YWHAE: variants seen among roughly 807,000 people sequenced by gnomAD.
YWHAE encodes tyrosine 3-monooxygenase/tryptophan 5-monooxygenase activation protein epsilon.
YWHAE carries 4 observed loss-of-function variants against 30.1 expected under a neutral mutation model. That is an observed-to-expected ratio of 0.13 (90% CI 0.07 to 0.30). YWHAE has a LOEUF of 0.30. YWHAE is among the 10% of genes least tolerant of loss of function. The pLI is 1.00. For synonymous variants in YWHAE, 118 were observed against 111.8 expected, an observed-to-expected ratio of 1.06 and a Z score of -0.35; for missense variants, 121 against 315.9, an observed-to-expected ratio of 0.38 and a Z score of 4.68.
intron 5 of YWHAE, among the ~76,000 whole-genome samples, chr17:1,349,725 G>A (rs2072590343): frequency 1.3e-5 from 2 of 150,832 alleles, no homozygotes; most frequent in East Asian, 2.0e-4. Flanking sequence ...CCATTCTCCT[G>A]CCTCAGCCTC....
At chr17:1,378,152 G>A (rs1009487847) in intron 1 of YWHAE, among the ~76,000 whole-genome samples, 2 of 152,178 alleles carry the variant, frequency 1.3e-5, no homozygotes, top group Non-Finnish European at 2.9e-5. Context: ...TTTACCTTGC[G>A]GATATTTTCT....
rs748198006 is a variant in YWHAE, at chr17:1,367,183, ACACT to A, written c.65-2129_65-2126del. Among the ~76,000 whole-genome samples the A allele has an allele frequency of 5.9e-5, 9 of 152,352 alleles. No homozygotes were observed. The East Asian group carries it at 7.7e-4, about 13-fold the overall frequency. ...AAATAATCTTTACAAAGACTTTTAC[ACACT>A]CACTCACAGCAACTCTATTCATAAT... On this transcript the variant is annotated intron_variant, in intron 1 of 5. Transcript: ENST00000264335.
chr17:1,384,397 A>G (rs118192035), intron 1 of YWHAE, among the ~76,000 whole-genome samples: 2,283 of 151,610 alleles, frequency 0.015, 35 homozygotes, highest in East Asian at 0.052. Context: ...CACATGTAAA[A>G]AGATTTATGC....
At chr17:1,353,166 C>T (rs773347926) in intron 5 of YWHAE, among the ~76,000 whole-genome samples, 9 of 152,114 alleles carry the variant, frequency 5.9e-5, no homozygotes, top group African/African-American at 1.7e-4. Context: ...AGGCCGGGCA[C>T]GGTGGCTTGC....
chr17:1,349,924 T>C (rs2072594431), intron 5 of YWHAE, among the ~76,000 whole-genome samples: 1 of 149,438 alleles, frequency 6.7e-6, no homozygotes, highest in South Asian at 2.1e-4. Context: ...CGAATTTCAC[T>C]AGATTTTTAA....
At chr17:1,392,997 A>G (rs552730110) in intron 1 of YWHAE, among the ~76,000 whole-genome samples, 11 of 152,074 alleles carry the variant, frequency 7.2e-5, no homozygotes, top group African/African-American at 2.7e-4. Flanking sequence ...GAGTCCAGGA[A>G]TTCCAAGACC....
chr17:1,390,067 C>A (rs561280128), intron 1 of YWHAE, among the ~76,000 whole-genome samples: 1 of 152,024 alleles, frequency 6.6e-6, no homozygotes, highest in Admixed American at 6.6e-5. Context: ...TGGTCTTGAA[C>A]TCCCGACCTC....
At position 1,373,614 on chromosome 17, in the gene YWHAE, G is replaced by A. The variant is rs539890540; in HGVS notation, c.65-8556C>T. 2.0e-5 allele frequency among the ~76,000 whole-genome samples: 3 copies of A among 151,800 alleles called. No homozygotes were observed. In the South Asian group the frequency reaches 6.3e-4, roughly 32 times the overall value. On this transcript the variant is annotated intron_variant, in intron 1 of 5. Transcript: ENST00000264335. ...ACCCGGGAGGCGGAGCTTGTAGTGA[G>A]TAGAGATCGTGGCACTGCACTCCAG... is the stretch of plus-strand genomic sequence containing the variant.
At chr17:1,356,731 G>C (rs1415222504) in intron 4 of YWHAE, among the ~76,000 whole-genome samples, 1 of 151,900 alleles carries the variant, frequency 6.6e-6, no homozygotes, top group South Asian at 2.1e-4. Flanking sequence ...GGCTGAGGCA[G>C]GTGGATCACC....
intron 2 of YWHAE, among the ~76,000 whole-genome samples, chr17:1,363,895 A>G (rs965604175): frequency 1.3e-5 from 2 of 151,932 alleles, no homozygotes; most frequent in South Asian, 2.1e-4. Context: ...CACTCCCGAC[A>G]GTTTGTTGTG....
chr17:1,363,998 A>G (rs758093492), intron 2 of YWHAE, among the ~76,000 whole-genome samples: 1 of 152,218 alleles, frequency 6.6e-6, no homozygotes, highest in Admixed American at 6.5e-5. Flanking sequence ...GTGACAATCA[A>G]AAGTATTTCT....
chr17:1,371,833 C>T (rs1287206959), intron 1 of YWHAE, among the ~76,000 whole-genome samples: 1 of 144,046 alleles, frequency 6.9e-6, no homozygotes, highest in East Asian at 2.0e-4. Flanking sequence ...GCTACTTGAC[C>T]CTGTACTTTT....
Position 1,374,196 on chromosome 17 carries a change from T to C in YWHAE, c.65-9138A>G, listed in dbSNP as rs563860662. 9.7e-4 allele frequency among the ~76,000 whole-genome samples: 147 copies of C among 151,992 alleles called. 1 individual carries two copies. The highest frequency in any genetic ancestry group is 1.5e-3 in the Non-Finnish European group (102 of 67,982). Reference sequence around the variant, plus strand: ...GCCATGATGTCTAGGCGAATGTCTGTAATCCCAGCTACTCGGGAGGCTGAA... The same window carrying C: ...GCCATGATGTCTAGGCGAATGTCTGCAATCCCAGCTACTCGGGAGGCTGAA... On this transcript the variant is annotated intron_variant, in intron 1 of 5. Coordinates refer to ENST00000264335, the MANE Select transcript of YWHAE (RefSeq NM_006761.5).
At chr17:1,370,289 G>T (rs556308079) in intron 1 of YWHAE, among the ~76,000 whole-genome samples, 11 of 151,418 alleles carry the variant, frequency 7.3e-5, no homozygotes, top group Non-Finnish European at 1.2e-4. Flanking sequence ...ACCATGCCCA[G>T]TGAATTTTTT....
chr17:1,355,161 TTTTTTTTTTTTG>T (rs761096959), intron 4 of YWHAE, among the ~76,000 whole-genome samples: 3,571 of 38,508 alleles, frequency 0.093, 150 homozygotes, highest in Non-Finnish European at 0.13. Context: ...TTTTTTTTTT[TTTTTTTTTTTTG>T]GGGGACGGGG....
intron 1 of YWHAE, among the ~76,000 whole-genome samples, chr17:1,382,823 G>A (rs1279433584): frequency 2.6e-5 from 4 of 151,986 alleles, no homozygotes; most frequent in Non-Finnish European, 4.4e-5. Context: ...TCAGGAGATC[G>A]AGACCAGCCT....
intron 4 of YWHAE, among the ~76,000 whole-genome samples, chr17:1,359,137 AAAAAAAG>A (rs763647805): frequency 7.9e-5 from 12 of 151,992 alleles, no homozygotes; most frequent in Admixed American, 2.0e-4. Flanking sequence ...CTCTCCCTCA[AAAAAAAG>A]AAAAAAGAAA....
At chr17:1,385,773 A>G (rs1290604040) in intron 1 of YWHAE, among the ~76,000 whole-genome samples, 1 of 152,142 alleles carries the variant, frequency 6.6e-6, no homozygotes, top group Non-Finnish European at 1.5e-5. Flanking sequence ...TCTTCTTCAT[A>G]CATTAAAGAC....
chr17:1,364,010 G>C (rs1283164312), intron 2 of YWHAE, among the ~76,000 whole-genome samples: 1 of 152,114 alleles, frequency 6.6e-6, no homozygotes, highest in Non-Finnish European at 1.5e-5. Flanking sequence ...AGTATTTCTA[G>C]ACATTGTTAA....
Sources: allele counts gnomAD v4.1 joint callset (sites outside exome capture counted in the v4.1 genomes callset), GRCh38; gene constraint gnomAD v4.1.1; transcripts MANE v1.5; gene names NCBI Gene and HGNC (gene_info 2026-07-23, HGNC 2026-07-21).